The following FGF14 variants were observed in gnomAD, a reference collection of about 807,000 sequenced individuals.
FGF14 encodes fibroblast growth factor homologous factor 4.
FGF14 carries 5 observed loss-of-function variants against 25.5 expected under a neutral mutation model. The observed-to-expected ratio is 0.20, with a 90% CI of 0.10 to 0.41. FGF14 has a LOEUF of 0.41. FGF14 is among the 10% of genes least tolerant of loss of function. The pLI is 1.00. For missense variants in FGF14, 222 were observed against 320.1 expected (o/e 0.69, Z 2.34); for synonymous variants, 138 against 118.3 (o/e 1.17, Z -1.08).
At chr13:101,801,998 T>G (rs886839664) in intron 3 of FGF14, 2 of 461,234 alleles carry the variant, frequency 4.3e-6, no homozygotes, top group African/African-American at 4.0e-5. Flanking sequence ...TTTAGCAGAA[T>G]TTTTCAAGAT....
At chr13:101,859,199 T>C (rs971430379) in intron 3 of FGF14, among the ~76,000 whole-genome samples, 1 of 152,144 alleles carries the variant, frequency 6.6e-6, no homozygotes, top group Non-Finnish European at 1.5e-5. Context: ...AAATGTACTG[T>C]GAAAATTGGT....
At chr13:102,244,429 TAATA>T (rs986245070) in intron 1 of FGF14, among the ~76,000 whole-genome samples, 19 of 150,628 alleles carry the variant, frequency 1.3e-4, no homozygotes, top group Non-Finnish European at 2.1e-4. Flanking sequence ...TTGCATGAGC[TAATA>T]AATAAATAAA....
At chr13:102,381,006 A>C (rs2058170959) in intron 1 of FGF14, among the ~76,000 whole-genome samples, 1 of 152,214 alleles carries the variant, frequency 6.6e-6, no homozygotes, top group Non-Finnish European at 1.5e-5. Flanking sequence ...AGTCTACCTT[A>C]AACATGTTCA....
At chr13:101,802,681 C>G (rs2040951292) in intron 3 of FGF14, among the ~76,000 whole-genome samples, 1 of 152,158 alleles carries the variant, frequency 6.6e-6, no homozygotes, top group Non-Finnish European at 1.5e-5. Context: ...TATTTCCAAA[C>G]ATTTTTAAAA....
chr13:102,187,363 T>G (rs936810606), intron 1 of FGF14, among the ~76,000 whole-genome samples: 3 of 152,312 alleles, frequency 2.0e-5, no homozygotes, highest in Non-Finnish European at 2.9e-5. Flanking sequence ...ACTCTGCTAT[T>G]GATAACATGA....
intron 1 of FGF14, among the ~76,000 whole-genome samples, chr13:102,376,747 A>G (rs2058050027): frequency 6.6e-6 from 1 of 152,258 alleles, no homozygotes; most frequent in South Asian, 2.1e-4. Flanking sequence ...AATATTCAAT[A>G]GGAAATCAAT....
At chr13:102,311,160 G>C (rs2055746491) in intron 1 of FGF14, among the ~76,000 whole-genome samples, 1 of 152,174 alleles carries the variant, frequency 6.6e-6, no homozygotes, top group South Asian at 2.1e-4. Context: ...CAAGGGAAGA[G>C]GTTATTTCTT....
At chr13:101,724,860 CTCTT>C (rs1384963646) in intron 4 of FGF14, among the ~76,000 whole-genome samples, 1 of 151,290 alleles carries the variant, frequency 6.6e-6, no homozygotes, top group African/African-American at 2.4e-5. Context: ...TATTATTTCT[CTCTT>C]TCTCATATAT....
intron 1 of FGF14, among the ~76,000 whole-genome samples, chr13:102,164,667 G>A (rs2047922419): frequency 6.6e-6 from 1 of 152,152 alleles, no homozygotes; most frequent in African/African-American, 2.4e-5. Context: ...TTCTTAATCG[G>A]TAGTTAATGT....
chr13:102,059,464 AAC>A (rs2042579131), intron 1 of FGF14, among the ~76,000 whole-genome samples: 1 of 152,256 alleles, frequency 6.6e-6, no homozygotes, highest in East Asian at 1.9e-4. Flanking sequence ...TATAAAAAGC[AAC>A]ACAGAGCACT....
intron 1 of FGF14, among the ~76,000 whole-genome samples, chr13:101,880,483 C>G (rs557953604): frequency 3.9e-5 from 6 of 152,294 alleles, no homozygotes; most frequent in Admixed American, 6.5e-5. Flanking sequence ...ATGAGAATCG[C>G]TTGAACCCGG....
intron 1 of FGF14, among the ~76,000 whole-genome samples, chr13:102,122,371 C>A (rs991036385): frequency 6.6e-6 from 1 of 152,180 alleles, no homozygotes; most frequent in Admixed American, 6.5e-5. Context: ...CCACCTCTGA[C>A]TTTCAGCAGA....
At chr13:102,320,481 G>C (rs903112601) in intron 1 of FGF14, among the ~76,000 whole-genome samples, 1 of 152,128 alleles carries the variant, frequency 6.6e-6, no homozygotes, top group Non-Finnish European at 1.5e-5. Context: ...TGTGGGACTG[G>C]AGTTATCCTA....
intron 1 of FGF14, among the ~76,000 whole-genome samples, chr13:102,100,248 CA>C (rs2044594729): frequency 6.6e-6 from 1 of 152,054 alleles, no homozygotes; most frequent in South Asian, 2.1e-4. Context: ...ATTATATATG[CA>C]AACCAAAAAA....
At chr13:102,169,653 A>C (rs1371318985) in intron 1 of FGF14, among the ~76,000 whole-genome samples, 1 of 152,190 alleles carries the variant, frequency 6.6e-6, no homozygotes, top group African/African-American at 2.4e-5. Context: ...ATGTTAAAGA[A>C]GTGGGGTTTT....
chr13:101,878,848 A>G (rs2045542873), intron 1 of FGF14, among the ~76,000 whole-genome samples: 1 of 152,092 alleles, frequency 6.6e-6, no homozygotes, highest in African/African-American at 2.4e-5. Context: ...TAATATGTAA[A>G]AATACATGTA....
Position 102,240,109 on chromosome 13 carries a change from TGCTG to T in FGF14, c.208+161358_208+161361del, listed in dbSNP as rs535196133. On this transcript the variant is annotated intron_variant, in intron 1 of 4. Coordinates refer to the FGF14 transcript ENST00000376131. ...TCTATCTCAAGAATATTACCAGAAA[TGCTG>T]GCTGTCTCCTTGCACCTGCATTGTT... Among the ~76,000 whole-genome samples the T allele has an allele frequency of 4.3e-3, 659 of 152,312 alleles. 3 individuals carry two copies. Among genetic ancestry groups the T allele is most frequent in the Non-Finnish European group, 6.6e-3 (448 of 68,016 alleles).
intron 2 of FGF14, 27 bp from the exon 3 acceptor site, chr13:101,868,855 G>A (rs2044880469): frequency 1.4e-6 from 2 of 1,444,736 alleles, no homozygotes; most frequent in African/African-American, 1.4e-5. Flanking sequence ...TGTCTATCAT[G>A]AATGGGCAGG....
At chr13:102,390,826 G>T (rs796145799) in intron 1 of FGF14, among the ~76,000 whole-genome samples, 10 of 152,280 alleles carry the variant, frequency 6.6e-5, no homozygotes, top group African/African-American at 1.9e-4. Context: ...AATCTAGTAA[G>T]TGTAATATAC....
Sources: gnomAD v4.1 joint callset for allele counts (sites outside exome capture counted in the v4.1 genomes callset) on GRCh38, gnomAD v4.1.1 for gene constraint, MANE v1.5 for transcripts, NCBI Gene and HGNC (gene_info 2026-07-23, HGNC 2026-07-21) for gene names.